The following SMG1 variants were observed in gnomAD, a reference collection of about 807,000 sequenced individuals.
The protein encoded by SMG1 is serine/threonine-protein kinase SMG1.
SMG1 carries 22 observed loss-of-function variants against 419.9 expected under a neutral mutation model. The ratio of observed to expected loss-of-function variants is 0.05; its 90% CI spans 0.04 to 0.07. The LOEUF (loss-of-function observed/expected upper bound fraction) is 0.07, where lower values mean the gene tolerates loss of function less well. Among genes scored for constraint, SMG1 ranks in the 10% least tolerant of loss-of-function variants. The pLI, the probability that SMG1 is intolerant of heterozygous loss-of-function variation, is 1.00. For synonymous variants in SMG1, 1,538 were observed against 1,553.5 expected, an observed-to-expected ratio of 0.99 and a Z score of 0.23; for missense variants, 3,185 against 4,342.0, an observed-to-expected ratio of 0.73 and a Z score of 7.49.
intron 1 of SMG1, among the ~76,000 whole-genome samples, chr16:18,915,439 T>C (rs950084142): frequency 1.3e-5 from 2 of 152,148 alleles, no homozygotes; most frequent in African/African-American, 4.8e-5. Flanking sequence ...AGTGTTGTAA[T>C]CTCTGGAGTT....
At chr16:18,902,088 C>T (rs1350951554) in intron 1 of SMG1, among the ~76,000 whole-genome samples, 1 of 152,054 alleles carries the variant, frequency 6.6e-6, no homozygotes, top group African/African-American at 2.4e-5. Flanking sequence ...GGGCTGGAGA[C>T]TAAGGTTAGC....
At chr16:18,844,454 A>ACCCCCCCCCCCCC (rs71141073) in intron 39 of SMG1, among the ~76,000 whole-genome samples, 1 of 4,424 alleles carries the variant, frequency 2.3e-4, no homozygotes, top group Non-Finnish European at 3.6e-4. Context: ...AACAAACAAC[A>ACCCCCCCCCCCCC]CCCCCCCCCC....
chr16:18,845,716 C>T, intron 38 of SMG1, 65 bp from the exon 39 acceptor site: 3 of 1,184,140 alleles, frequency 2.5e-6, no homozygotes, highest in Non-Finnish European at 3.7e-6. Flanking sequence ...CACAAACATG[C>T]AACAATTTCA....
At chr16:18,910,577 C>T (rs2141959609) in intron 1 of SMG1, among the ~76,000 whole-genome samples, 1 of 152,068 alleles carries the variant, frequency 6.6e-6, no homozygotes, top group South Asian at 2.1e-4. Flanking sequence ...GTTACCCAGG[C>T]TGGTCTCCAA....
intron 25 of SMG1, 72 bp from the exon 26 acceptor site, chr16:18,860,848 A>G (rs1282287024): frequency 7.0e-6 from 5 of 716,748 alleles, no homozygotes; most frequent in Non-Finnish European, 1.2e-5. Context: ...ACAAACAAAA[A>G]CAGAACAAAT....
Position 18,828,156 on chromosome 16 carries a change from C to G in SMG1, c.9616G>C (p.Asp3206His). ...HIAMFQWQHEDLLINRPQAMS... is the reference protein window; with the variant it reads ...HIAMFQWQHEHLLINRPQAMS... Reference sequence around the variant, plus strand: ...GCTTGTGGTCTATTGATAAGTAGATCTTCATGTTGCCACTGTTGAGAGAAA... The same window carrying G: ...GCTTGTGGTCTATTGATAAGTAGATGTTCATGTTGCCACTGTTGAGAGAAA... The change falls in exon 55 of 63, where the codon GAT becomes CAT. Residue 3206 changes from aspartate to histidine, a missense_variant. Physicochemically the swap from Asp to His is moderately conservative, Grantham distance 81. Around this residue, in one of 27 missense-constraint regions of SMG1, gnomAD observed 737 missense variants for 846.6 expected, o/e 0.87. Transcript: ENST00000446231. 1.2e-6 allele frequency: 2 copies of G among 1,612,872 alleles called. No homozygotes were observed. Among genetic ancestry groups the G allele is most frequent in the Non-Finnish European group, 1.7e-6 (2 of 1,179,338 alleles).
At chr16:18,813,338 C>T (rs1301890652) in intron 60 of SMG1, among the ~76,000 whole-genome samples, 1 of 152,116 alleles carries the variant, frequency 6.6e-6, no homozygotes, top group East Asian at 1.9e-4. Flanking sequence ...CCTGTTGTTT[C>T]CTGACTTTTT....
intron 6 of SMG1, among the ~76,000 whole-genome samples, chr16:18,887,516 C>CTTTGTTTTTTTTTTTTTG (rs749197007): frequency 7.3e-5 from 8 of 110,140 alleles, no homozygotes; most frequent in Non-Finnish European, 9.1e-5. Context: ...TTTTTTTTTC[C>CTTTGTTTTTTTTTTTTTG]TTTTTTTTTT....
chr16:18,886,170 T>C (rs2036603689), intron 6 of SMG1, among the ~76,000 whole-genome samples: 1 of 151,688 alleles, frequency 6.6e-6, no homozygotes, highest in African/African-American at 2.4e-5. Context: ...AAAAGTAAAA[T>C]GGATTTGGGA....
At position 18,900,198 on chromosome 16, in the gene SMG1, C is replaced by A. The variant is rs781226011; in HGVS notation, c.93-3242G>T. ...TTAAAGCAAAAATTGAGGTGGAAAG[C>A]CACTCTGTGCCTTACAGGATAAAGA... On this transcript the variant is annotated intron_variant, in intron 1 of 62. Transcript: ENST00000446231. The A allele has an allele frequency of 2.5e-4, 130 of 523,226 alleles. 1 individual carries two copies. In the East Asian group the frequency reaches 2.8e-3, roughly 11 times the overall value. The allele number at this position is 523,226 out of a possible 1,614,324, so 32.4% of individuals were successfully genotyped here.
At chr16:18,815,401 A>ATAAATT in intron 59 of SMG1, 39 bp downstream of exon 59, 1 of 1,601,728 alleles carries the variant, frequency 6.2e-7, no homozygotes, top group Non-Finnish European at 8.6e-7. Flanking sequence ...GTAGTTTTGT[A>ATAAATT]CTTATGTTTT....
At chr16:18,908,983 C>T (rs2037690188) in intron 1 of SMG1, among the ~76,000 whole-genome samples, 1 of 152,036 alleles carries the variant, frequency 6.6e-6, no homozygotes. Context: ...CAGGTTGAAG[C>T]ACATTCCCAG....
At position 18,835,198 on chromosome 16, in the gene SMG1, C is replaced by A. The variant is rs565862355; in HGVS notation, c.8058-34G>T. Reference sequence around the variant, plus strand: ...ATAAGGAAGAGGTGCTTGTTTATAACACAACCACCCCCAACATACAAAAGA... The same window carrying A: ...ATAAGGAAGAGGTGCTTGTTTATAAAACAACCACCCCCAACATACAAAAGA... On this transcript the variant is annotated intron_variant, in intron 48 of 62. Transcript: ENST00000446231. 1.8e-5 allele frequency: 28 copies of A among 1,577,290 alleles called. No individual in the cohort carries two copies. The South Asian group carries it at 2.9e-4, about 16-fold the overall frequency.
intron 10 of SMG1, among the ~76,000 whole-genome samples, chr16:18,881,399 C>G (rs1162186799): frequency 6.6e-6 from 1 of 152,084 alleles, no homozygotes; most frequent in East Asian, 1.9e-4. Context: ...CATTTCTGCT[C>G]AAGTACGCAA....
intron 31 of SMG1, among the ~76,000 whole-genome samples, chr16:18,853,068 A>G (rs2034689761): frequency 6.6e-6 from 1 of 152,180 alleles, no homozygotes; most frequent in African/African-American, 2.4e-5. Context: ...GTATATTCTC[A>G]TGTTTCAGCA....
In SMG1 at chr16:18,891,431, C is replaced by T. The variant is rs975055071; in HGVS notation, c.550-510G>A. Among the ~76,000 whole-genome samples, 7 of 145,540 alleles carry T rather than the reference C, an allele frequency of 4.8e-5. No homozygotes were observed. The South Asian group carries it at 8.9e-4, about 19-fold the overall frequency. ...TCATTAATTTTCTCCTGCTCATTAT[C>T]AAGTTCTTTTTTTTTTTTTTCAAGA... On this transcript the variant is annotated intron_variant, in intron 4 of 62. Transcript: ENST00000446231.
intron 13 of SMG1, among the ~76,000 whole-genome samples, chr16:18,874,934 A>T (rs2036038434): frequency 7.5e-6 from 1 of 133,412 alleles, no homozygotes; most frequent in African/African-American, 2.7e-5. Context: ...TAAAAGAAGG[A>T]CTACGGGTTG....
At chr16:18,835,878 GAC>G (rs1230870686) in intron 48 of SMG1, 53 bp downstream of exon 48, 33 of 1,501,786 alleles carry the variant, frequency 2.2e-5, no homozygotes, top group Admixed American at 1.0e-4. Context: ...CAGCCTGGGT[GAC>G]AGAACAAGAC....
At chr16:18,851,427 CTCAT>C (rs1349964026) in intron 33 of SMG1, among the ~76,000 whole-genome samples, 20 of 152,378 alleles carry the variant, frequency 1.3e-4, no homozygotes, top group African/African-American at 4.1e-4. Context: ...GCACACACGT[CTCAT>C]TCAGAGTATC....
Sources: gnomAD v4.1 joint callset for allele counts (sites outside exome capture counted in the v4.1 genomes callset) on GRCh38, gnomAD v4.1.1 for gene constraint, gnomAD v4.1.1 regional missense constraint, MANE v1.5 for transcripts, NCBI Gene and HGNC (gene_info 2026-07-23, HGNC 2026-07-21) for gene names.